The following GRB10 variants were observed in gnomAD, a reference collection of about 807,000 sequenced individuals.
GRB10 encodes growth factor receptor bound protein 10.
A neutral mutation model predicts 80.9 loss-of-function variants in GRB10; 20 were observed. The observed-to-expected ratio is 0.25, with a 90% CI of 0.17 to 0.36. The LOEUF is 0.36. Ranked by LOEUF, GRB10 falls within the 10% of genes least tolerant of loss-of-function variation. GRB10 has a pLI of 1.00. For synonymous variants in GRB10, 291 were observed against 291.5 expected (o/e 1.00, Z 0.02); for missense variants, 548 against 747.7 (o/e 0.73, Z 3.12).
chr7:50,726,255 A>C lies in GRB10; in HGVS notation c.51+6017T>G, dbSNP rs146998158. 4.1e-3 allele frequency among the ~76,000 whole-genome samples: 623 copies of C among 152,232 alleles called. 1 individual carries two copies. Among genetic ancestry groups the C allele is most frequent in the Non-Finnish European group, 5.5e-3 (374 of 67,998 alleles). Reference sequence around the variant, plus strand: ...TCTGCTAAAAATACAAAAATTAGCCAGGTGTGATGGTGCATGCCTATAATT... The same window carrying C: ...TCTGCTAAAAATACAAAAATTAGCCCGGTGTGATGGTGCATGCCTATAATT... On this transcript the variant is annotated intron_variant, in intron 4 of 18. Transcript: ENST00000401949.
intron 2 of GRB10, among the ~76,000 whole-genome samples, chr7:50,773,538 G>GA (rs1554312417): frequency 6.7e-6 from 1 of 150,298 alleles, no homozygotes; most frequent in Non-Finnish European, 1.5e-5. Flanking sequence ...GACAGGAAAC[G>GA]AAAAATGCCA....
In GRB10 at chr7:50,746,735, C is replaced by G. The variant is rs1349009702; in HGVS notation, c.-47+9152G>C. Among the ~76,000 whole-genome samples the G allele has an allele frequency of 2.0e-5, 3 of 152,300 alleles. No individual in the cohort carries two copies. In the East Asian group the frequency reaches 5.8e-4, roughly 29 times the overall value. On this transcript the variant is annotated intron_variant, in intron 3 of 18. Transcript: ENST00000401949. The stretch of plus-strand genomic sequence containing the variant: ...TTTTCAGTGCAGCATCCCCAAACCC[C>G]TTCCTGCAGAACACCCATATCACTT...
intron 3 of GRB10, among the ~76,000 whole-genome samples, chr7:50,734,401 C>T (rs969316813): frequency 6.6e-6 from 1 of 152,124 alleles, no homozygotes; most frequent in African/African-American, 2.4e-5. Context: ...AAGGAGTGTC[C>T]TCTTGGCCAC....
At chr7:50,610,150 C>T (rs1376458401) in intron 13 of GRB10, among the ~76,000 whole-genome samples, 1 of 152,160 alleles carries the variant, frequency 6.6e-6, no homozygotes, top group Non-Finnish European at 1.5e-5. Flanking sequence ...GCAGAGCACA[C>T]ACACGGGATG....
chr7:50,743,947 C>T (rs372339689), intron 3 of GRB10, among the ~76,000 whole-genome samples: 1 of 152,110 alleles, frequency 6.6e-6, no homozygotes, highest in Non-Finnish European at 1.5e-5. Context: ...AGGAGGTCCT[C>T]GAATCCCTCC....
At chr7:50,660,607 G>A (rs539417018) in intron 7 of GRB10, among the ~76,000 whole-genome samples, 58 of 152,250 alleles carry the variant, frequency 3.8e-4, no homozygotes, top group Admixed American at 3.4e-3. Flanking sequence ...CCTCCACACC[G>A]TGGCCTCTCG....
At chr7:50,653,246 C>T (rs1402125478) in intron 7 of GRB10, among the ~76,000 whole-genome samples, 1 of 152,154 alleles carries the variant, frequency 6.6e-6, no homozygotes, top group Non-Finnish European at 1.5e-5. Flanking sequence ...CGAGGGAGGA[C>T]TGTGTGGTGG....
At chr7:50,741,551 T>TAAA (rs752078809) in intron 3 of GRB10, among the ~76,000 whole-genome samples, 3 of 116,952 alleles carry the variant, frequency 2.6e-5, no homozygotes, top group Non-Finnish European at 3.5e-5. Flanking sequence ...AACATGTGTT[T>TAAA]AAAAAAAAAA....
At chr7:50,699,864 G>A (rs937002093) in intron 5 of GRB10, among the ~76,000 whole-genome samples, 1 of 152,112 alleles carries the variant, frequency 6.6e-6, no homozygotes, top group East Asian at 1.9e-4. Flanking sequence ...GGCCAGGCGC[G>A]GTGGCTCATG....
At chr7:50,769,911 T>C (rs895659030) in intron 2 of GRB10, among the ~76,000 whole-genome samples, 1 of 152,192 alleles carries the variant, frequency 6.6e-6, no homozygotes, top group Non-Finnish European at 1.5e-5. Context: ...CACAGTTTCT[T>C]TTACAAACCT....
chr7:50,677,499 G>C (rs1215567607), intron 5 of GRB10, among the ~76,000 whole-genome samples: 1 of 152,188 alleles, frequency 6.6e-6, no homozygotes, highest in African/African-American at 2.4e-5. Context: ...GCCTGCCAAA[G>C]ACAAGACCTC....
intron 4 of GRB10, among the ~76,000 whole-genome samples, chr7:50,720,627 G>A (rs1466149216): frequency 6.6e-6 from 1 of 151,974 alleles, no homozygotes. Flanking sequence ...GCATGGTACA[G>A]GAATATAAAA....
chr7:50,626,378 C>T (rs1361754351), intron 8 of GRB10, among the ~76,000 whole-genome samples: 2 of 152,210 alleles, frequency 1.3e-5, no homozygotes, highest in African/African-American at 4.8e-5. Flanking sequence ...CACTTTGCTG[C>T]CTATAACCAT....
chr7:50,636,125 G>A (rs1001418590), intron 7 of GRB10, among the ~76,000 whole-genome samples: 2 of 151,798 alleles, frequency 1.3e-5, no homozygotes, highest in Non-Finnish European at 2.9e-5. Flanking sequence ...CTACAGGCAC[G>A]TGCCACCACA....
chr7:50,743,240 T>C (rs551614077), intron 3 of GRB10, among the ~76,000 whole-genome samples: 1 of 152,332 alleles, frequency 6.6e-6, no homozygotes, highest in East Asian at 1.9e-4. Context: ...TATGTGACCA[T>C]AGGTATGAGG....
chr7:50,658,662 T>G (rs1176850219), intron 7 of GRB10, among the ~76,000 whole-genome samples: 2 of 152,350 alleles, frequency 1.3e-5, no homozygotes, highest in Non-Finnish European at 2.9e-5. Flanking sequence ...TCAAGAGGTA[T>G]TCAATGCTAC....
At chr7:50,603,065 T>C (rs1196427103) in intron 17 of GRB10, among the ~76,000 whole-genome samples, 4 of 152,170 alleles carry the variant, frequency 2.6e-5, no homozygotes, top group Non-Finnish European at 4.4e-5. Flanking sequence ...AATAAAACTT[T>C]TTGTAAAACG....
intron 11 of GRB10, among the ~76,000 whole-genome samples, chr7:50,615,276 T>C (rs2050387806): frequency 6.6e-6 from 1 of 152,210 alleles, no homozygotes; most frequent in African/African-American, 2.4e-5. Context: ...GTTTTCCCAC[T>C]GGTAGCTTGC....
chr7:50,631,965 C>G (rs77405874), intron 7 of GRB10, among the ~76,000 whole-genome samples: 2 of 152,292 alleles, frequency 1.3e-5, no homozygotes, highest in African/African-American at 4.8e-5. Context: ...CCAGCGTGTA[C>G]CAGGTGGGCT....
Sources: allele counts gnomAD v4.1 joint callset (sites outside exome capture counted in the v4.1 genomes callset), GRCh38; gene constraint gnomAD v4.1.1; transcripts MANE v1.5; gene names NCBI Gene and HGNC (gene_info 2026-07-23, HGNC 2026-07-21).